DCDC1: variants seen among roughly 807,000 people sequenced by gnomAD.
The protein encoded by DCDC1 is doublecortin domain-containing protein 1.
A neutral mutation model predicts 178.3 loss-of-function variants in DCDC1; 200 were observed. The observed-to-expected ratio is 1.12, with a 90% CI of 1.00 to 1.26. The LOEUF is 1.26. Among genes scored for constraint, DCDC1 ranks in the 50% most tolerant of loss-of-function variants. The pLI, the probability that DCDC1 is intolerant of heterozygous loss-of-function variation, is 0.00. For missense variants in DCDC1, 1,983 were observed against 1,749.2 expected, an observed-to-expected ratio of 1.13 and a Z score of -2.38; for synonymous variants, 690 against 604.8, an observed-to-expected ratio of 1.14 and a Z score of -2.07.
At position 31,305,735 on chromosome 11, in the gene DCDC1, C is replaced by A. The variant is rs374157559; in HGVS notation, c.634G>T (p.Ala212Ser). The stretch of plus-strand genomic sequence containing the variant: ...CCGTCTGCCAAGAACACTCGTCTTG[C>A]GGCCATGTTCAGATTCAGCTTTTCT... The part of the protein sequence containing the change: ...CTEKLNLNMA[A>S]RRVFLADGKE... The change falls in exon 6 of 39, where the codon GCA (alanine) becomes TCA (serine). Residue 212 changes from alanine to serine, a missense_variant. By Grantham distance (99) the Ala-to-Ser change is moderately conservative (BLOSUM62 1). Transcript: ENST00000684477. The A allele has an allele frequency of 3.2e-5, 51 of 1,613,458 alleles. No homozygotes were observed. The South Asian group carries it at 4.0e-4, about 13-fold the overall frequency.
At chr11:30,916,621 C>T (rs1945852222) in intron 26 of DCDC1, among the ~76,000 whole-genome samples, 1 of 152,000 alleles carries the variant, frequency 6.6e-6, no homozygotes, top group Admixed American at 6.6e-5. Context: ...GGTGGATAAG[C>T]ATACTGTTTA....
chr11:31,234,076 A>G (rs981710678), intron 9 of DCDC1, among the ~76,000 whole-genome samples: 5 of 152,166 alleles, frequency 3.3e-5, no homozygotes, highest in Non-Finnish European at 7.3e-5. Flanking sequence ...TCTTTTCTCT[A>G]AAGCTTTCAA....
At chr11:31,038,353 T>C (rs1157223807) in intron 20 of DCDC1, among the ~76,000 whole-genome samples, 2 of 152,194 alleles carry the variant, frequency 1.3e-5, no homozygotes, top group Non-Finnish European at 2.9e-5. Flanking sequence ...CTTAATTTTA[T>C]TTTCTTGATT....
intron 7 of DCDC1, among the ~76,000 whole-genome samples, chr11:31,275,736 T>G (rs188200991): frequency 6.6e-6 from 1 of 152,326 alleles, no homozygotes; most frequent in East Asian, 1.9e-4. Context: ...ACTCTTGACC[T>G]CAGGTGTTCC....
chr11:31,153,069 C>A (rs1376331159), intron 9 of DCDC1, among the ~76,000 whole-genome samples: 1 of 152,146 alleles, frequency 6.6e-6, no homozygotes, highest in African/African-American at 2.4e-5. Context: ...GCGGGCTAAA[C>A]CATACATATA....
At chr11:30,902,548 A>AATTTTACAAATT (rs1305374643) in intron 32 of DCDC1, among the ~76,000 whole-genome samples, 1 of 152,198 alleles carries the variant, frequency 6.6e-6, no homozygotes, top group Non-Finnish European at 1.5e-5. Context: ...ATATCCATGA[A>AATTTTACAAATT]GTAATTGACA....
At chr11:30,998,926 T>C (rs1256662104) in intron 20 of DCDC1, among the ~76,000 whole-genome samples, 4 of 152,166 alleles carry the variant, frequency 2.6e-5, no homozygotes, top group African/African-American at 9.7e-5. Context: ...TCACCAGGAA[T>C]ATGTAATATT....
At chr11:31,021,643 G>C (rs1382685073) in intron 20 of DCDC1, among the ~76,000 whole-genome samples, 1 of 152,130 alleles carries the variant, frequency 6.6e-6, no homozygotes, top group Admixed American at 6.6e-5. Flanking sequence ...AGGGGACTGT[G>C]TAGGAGAAAA....
chr11:30,983,995 A>G (rs945200540), intron 20 of DCDC1, among the ~76,000 whole-genome samples: 13 of 152,174 alleles, frequency 8.5e-5, no homozygotes, highest in African/African-American at 3.1e-4. Flanking sequence ...CTTTATATAC[A>G]ATAGTGGAGG....
chr11:31,003,421 C>A (rs141220034), intron 20 of DCDC1, among the ~76,000 whole-genome samples: 18 of 152,152 alleles, frequency 1.2e-4, no homozygotes, highest in Middle Eastern at 3.4e-3. Flanking sequence ...ACAAAGATAG[C>A]CATGGTAAGT....
chr11:31,032,150 A>T (rs1167430984), intron 20 of DCDC1, among the ~76,000 whole-genome samples: 1 of 152,120 alleles, frequency 6.6e-6, no homozygotes, highest in Non-Finnish European at 1.5e-5. Context: ...CCTGCATTTT[A>T]TATGTCCATC....
intron 38 of DCDC1, among the ~76,000 whole-genome samples, chr11:30,877,736 T>A (rs958092019): frequency 2.6e-5 from 4 of 152,092 alleles, no homozygotes; most frequent in Non-Finnish European, 5.9e-5. Context: ...AAAGCATTGA[T>A]TTGTGTGGCA....
intron 2 of DCDC1, among the ~76,000 whole-genome samples, chr11:31,331,612 G>A (rs1490403504): frequency 1.3e-5 from 2 of 152,098 alleles, no homozygotes; most frequent in African/African-American, 4.8e-5. Flanking sequence ...TTTGTCGAAG[G>A]CCTTTTCTGC....
intron 20 of DCDC1, among the ~76,000 whole-genome samples, chr11:31,027,826 T>C (rs898795091): frequency 6.6e-6 from 1 of 151,896 alleles, no homozygotes; most frequent in African/African-American, 2.4e-5. Flanking sequence ...AAAATTAGTG[T>C]CAAATGACAA....
chr11:31,042,157 G>A (rs930603051), intron 20 of DCDC1, among the ~76,000 whole-genome samples: 2 of 152,182 alleles, frequency 1.3e-5, no homozygotes, highest in African/African-American at 4.8e-5. Flanking sequence ...GGTTGGTGAA[G>A]TATTAGAATG....
At chr11:31,247,569 T>C (rs980604157) in intron 8 of DCDC1, among the ~76,000 whole-genome samples, 1 of 151,880 alleles carries the variant, frequency 6.6e-6, no homozygotes, top group Non-Finnish European at 1.5e-5. Flanking sequence ...AAAGGCGATA[T>C]TCAAAACCAC....
intron 1 of DCDC1, among the ~76,000 whole-genome samples, chr11:31,349,835 CAA>C (rs1445437475): frequency 1.3e-5 from 2 of 151,106 alleles, no homozygotes; most frequent in Non-Finnish European, 2.9e-5. Context: ...ACCCAGCCTC[CAA>C]AAAAATAAAA....
At chr11:31,194,806 T>C (rs932826880) in intron 9 of DCDC1, among the ~76,000 whole-genome samples, 1 of 152,134 alleles carries the variant, frequency 6.6e-6, no homozygotes, top group African/African-American at 2.4e-5. Flanking sequence ...GTTTAATTGG[T>C]ATGTCAAAAG....
intron 8 of DCDC1, among the ~76,000 whole-genome samples, chr11:31,248,994 G>C (rs1943773911): frequency 6.6e-6 from 1 of 152,020 alleles, no homozygotes; most frequent in Non-Finnish European, 1.5e-5. Context: ...TAAACTTCTG[G>C]GATCATGGAC....
Sources: allele counts gnomAD v4.1 joint callset (sites outside exome capture counted in the v4.1 genomes callset), GRCh38; gene constraint gnomAD v4.1.1; transcripts MANE v1.5; gene names NCBI Gene and HGNC (gene_info 2026-07-23, HGNC 2026-07-21).